CYP2C19: variants seen among roughly 807,000 people sequenced by gnomAD.
CYP2C19 encodes cytochrome P450 2C19.
Under a neutral mutation model 40.9 loss-of-function variants are expected in CYP2C19, and 59 were observed. The observed-to-expected ratio is 1.44, with a 90% confidence interval of 1.17 to 1.79. The LOEUF (loss-of-function observed/expected upper bound fraction) is 1.79, where lower values mean the gene tolerates loss of function less well. CYP2C19 is among the 40% of genes most tolerant of loss of function. The probability of loss-of-function intolerance (pLI) is 0.00; values close to 1 mark genes in which losing one functional copy is unlikely to be tolerated. For synonymous variants in CYP2C19, 253 were observed against 208.7 expected, an observed-to-expected ratio of 1.21 and a Z score of -1.83; for missense variants, 754 against 596.9, an observed-to-expected ratio of 1.26 and a Z score of -2.74.
intron 6 of CYP2C19, among the ~76,000 whole-genome samples, chr10:94,831,197 A>G (rs11188089): frequency 0.039 from 5,979 of 151,886 alleles, 417 homozygotes; most frequent in African/African-American, 0.14. Context: ...GTTGTTGCAA[A>G]TGACTGAATC....
At chr10:94,807,253 G>A (rs189791498) in intron 5 of CYP2C19, among the ~76,000 whole-genome samples, 4 of 152,042 alleles carry the variant, frequency 2.6e-5, no homozygotes, top group African/African-American at 9.6e-5. Context: ...GTTTTCCATG[G>A]TGTATGTATA....
chr10:94,822,229 T>C (rs546586536), intron 6 of CYP2C19, among the ~76,000 whole-genome samples: 25 of 151,906 alleles, frequency 1.6e-4, no homozygotes, highest in African/African-American at 2.4e-4. Flanking sequence ...AGGAAAGAGG[T>C]TTAATGGACT....
chr10:94,844,164 C>T (rs1047181735), intron 7 of CYP2C19, among the ~76,000 whole-genome samples: 9 of 152,116 alleles, frequency 5.9e-5, no homozygotes, highest in African/African-American at 2.2e-4. Context: ...ACTGCCTCCC[C>T]GTCTCCACTT....
Position 94,853,709 on chromosome 10 carries a change from C to T in CYP2C19, c.*795C>T, listed in dbSNP as rs145839468. ...TACAGACACGTGCCACCATGCCTGG[C>T]TAATTTTTTTGTATTTTTAGTACAG... On this transcript the variant is annotated 3_prime_UTR_variant, in exon 9 of 9. Transcript: ENST00000371321. Among the ~76,000 whole-genome samples, 2 of 151,836 alleles carry T rather than the reference C, an allele frequency of 1.3e-5. No individual in the cohort carries two copies. Among genetic ancestry groups the T allele is most frequent in the Non-Finnish European group, 2.9e-5 (2 of 67,974 alleles).
At chr10:94,815,621 C>T (rs1383854043) in intron 5 of CYP2C19, among the ~76,000 whole-genome samples, 2 of 152,176 alleles carry the variant, frequency 1.3e-5, no homozygotes, top group African/African-American at 2.4e-5. Flanking sequence ...AATTAATGTC[C>T]TTATTCTCCA....
chr10:94,826,227 G>T (rs1164979023), intron 6 of CYP2C19, among the ~76,000 whole-genome samples: 1 of 152,072 alleles, frequency 6.6e-6, no homozygotes, highest in South Asian at 2.1e-4. Flanking sequence ...GGATGGCATT[G>T]AATCTGTAAA....
chr10:94,788,325 G>A (rs950114597), intron 5 of CYP2C19, among the ~76,000 whole-genome samples: 1 of 152,230 alleles, frequency 6.6e-6, no homozygotes, highest in South Asian at 2.1e-4. Flanking sequence ...CTAGGTCTGA[G>A]ATGGAGCTTC....
chr10:94,789,291 G>T (rs1848578531), intron 5 of CYP2C19, among the ~76,000 whole-genome samples: 1 of 151,664 alleles, frequency 6.6e-6, no homozygotes, highest in African/African-American at 2.4e-5. Context: ...CCATTCTCTA[G>T]GTGGCCTGTT....
intron 8 of CYP2C19, 117 bp downstream of exon 8, chr10:94,850,175 G>A (rs1162507863): frequency 2.4e-6 from 3 of 1,230,096 alleles, no homozygotes; most frequent in South Asian, 1.3e-5. Context: ...ATGATCAAGA[G>A]CACTGTTCTG....
chr10:94,841,915 T>C (rs1849501067), intron 6 of CYP2C19, among the ~76,000 whole-genome samples: 2 of 152,234 alleles, frequency 1.3e-5, no homozygotes, highest in South Asian at 4.1e-4. Context: ...ACCTAATATC[T>C]GGTCAATTCT....
At position 94,782,024 on chromosome 10, in the gene CYP2C19, T is replaced by A. The variant is rs761707290; in HGVS notation, c.819+27T>A. ...TAAAATGTTAACAAAAGCTTAGTTA[T>A]GTGACTGCTTGCGTATTTGTGATTC... On this transcript the variant is annotated intron_variant, in intron 5 of 8. Transcript: ENST00000371321. 6.0e-6 allele frequency: 9 copies of A among 1,510,726 alleles called. No individual in the cohort carries two copies. The South Asian group carries it at 9.6e-5, about 16-fold the overall frequency. 93.6% of individuals were successfully genotyped at this position (1,510,726 alleles called of 1,614,324 possible).
intron 6 of CYP2C19, among the ~76,000 whole-genome samples, chr10:94,839,163 C>T (rs546637995): frequency 6.6e-6 from 1 of 152,296 alleles, no homozygotes; most frequent in African/African-American, 2.4e-5. Flanking sequence ...CTCTGCTTAT[C>T]GGATTACTTA....
intron 1 of CYP2C19, among the ~76,000 whole-genome samples, chr10:94,770,591 C>G (rs560539423): frequency 1.2e-4 from 19 of 152,238 alleles, no homozygotes; most frequent in Admixed American, 6.5e-4. Flanking sequence ...TTGGAGCTTT[C>G]TCCTGATATC....
At chr10:94,824,493 C>A (rs1589368633) in intron 6 of CYP2C19, among the ~76,000 whole-genome samples, 1 of 152,164 alleles carries the variant, frequency 6.6e-6, no homozygotes, top group Non-Finnish European at 1.5e-5. Flanking sequence ...CAGACTCTCA[C>A]ACACACAAGC....
intron 6 of CYP2C19, among the ~76,000 whole-genome samples, chr10:94,826,218 G>A (rs1334816945): frequency 6.6e-6 from 1 of 151,884 alleles, no homozygotes; most frequent in African/African-American, 2.4e-5. Context: ...GCTTGATGGG[G>A]ATGGCATTGA....
At position 94,775,190 on chromosome 10, in the gene CYP2C19, C is replaced by T; in HGVS notation, c.301C>T (p.Pro101Ser). Reference sequence around the variant, plus strand: ...GGAGTTTTCTGGAAGAGGCCATTTCCCACTGGCTGAAAGAGCTAACAGAGG... The same window carrying T: ...GGAGTTTTCTGGAAGAGGCCATTTCTCACTGGCTGAAAGAGCTAACAGAGG... ...GEEFSGRGHF[P>S]LAERANRGFG... Residue 101 changes from proline (P) to serine (S), a missense_variant, in exon 2 of 9, where the codon CCA becomes TCA. Physicochemically the swap from Pro to Ser is moderately conservative, Grantham distance 74 (BLOSUM62 -1). Transcript: ENST00000371321. The T allele has an allele frequency of 6.2e-7, 1 of 1,614,006 alleles. No homozygotes were observed. The highest frequency in any genetic ancestry group is 1.1e-5 in the South Asian group (1 of 91,076).
At chr10:94,780,757 G>T (rs79334387) in intron 4 of CYP2C19, 98 bp downstream of exon 4, 1 of 1,333,996 alleles carries the variant, frequency 7.5e-7, no homozygotes, top group Non-Finnish European at 1.1e-6. Context: ...GTACATTTTT[G>T]AATACTACAG....
In CYP2C19 at chr10:94,779,566, CT is replaced by C. The variant is rs1554849213; in HGVS notation, c.482-920del. 3.6e-3 allele frequency among the ~76,000 whole-genome samples: 510 copies of C among 142,412 alleles called. 3 individuals are homozygous for C. The highest frequency in any genetic ancestry group is 0.012 in the African/African-American group (482 of 39,074). The allele number at this position is 142,412 out of a possible 152,430, so 93.4% of individuals were successfully genotyped here. On this transcript the variant is annotated intron_variant, in intron 3 of 8. Transcript: ENST00000371321. The stretch of plus-strand genomic sequence containing the variant: ...CTTTTTTTCCTTTTTCTTTTCTTTT[CT>C]TTTTTTTTTTTTGAGTTGGAGTCTC...
intron 5 of CYP2C19, among the ~76,000 whole-genome samples, chr10:94,792,033 G>T (rs1170188344): frequency 6.6e-6 from 1 of 152,110 alleles, no homozygotes; most frequent in East Asian, 1.9e-4. Flanking sequence ...CCTGTTTTAT[G>T]AATCTGGGTG....
Sources: gnomAD v4.1 joint callset for allele counts (sites outside exome capture counted in the v4.1 genomes callset) on GRCh38, gnomAD v4.1.1 for gene constraint, MANE v1.5 for transcripts, NCBI Gene and HGNC (gene_info 2026-07-23, HGNC 2026-07-21) for gene names.